DCC: variants seen among roughly 807,000 people sequenced by gnomAD.
The protein encoded by DCC is netrin receptor DCC.
Under a neutral mutation model 172.5 loss-of-function variants are expected in DCC, and 58 were observed. The observed-to-expected ratio is 0.34, with a 90% CI of 0.27 to 0.42. The LOEUF (loss-of-function observed/expected upper bound fraction) is 0.42. Among genes scored for constraint, DCC ranks in the 10% least tolerant of loss-of-function variants. The pLI is 1.00. For missense variants in DCC, 1,740 were observed against 1,791.0 expected, an observed-to-expected ratio of 0.97 and a Z score of 0.51; for synonymous variants, 709 against 644.5, an observed-to-expected ratio of 1.10 and a Z score of -1.52.
chr18:53,197,962 AG>A (rs1263660456), intron 9 of DCC, among the ~76,000 whole-genome samples: 1 of 152,200 alleles, frequency 6.6e-6, no homozygotes, highest in Non-Finnish European at 1.5e-5. Flanking sequence ...GAATTAAAGC[AG>A]ATGAATTCAA....
intron 1 of DCC, among the ~76,000 whole-genome samples, chr18:52,368,721 G>T (rs916112438): frequency 6.6e-6 from 1 of 152,096 alleles, no homozygotes; most frequent in Non-Finnish European, 1.5e-5. Flanking sequence ...CCTCTTCATT[G>T]TCTGGAAGGC....
rs2040375533 is a variant in DCC, at chr18:52,935,960, T to A, written c.985+10590T>A. 2.0e-5 allele frequency among the ~76,000 whole-genome samples: 3 copies of A among 152,120 alleles called. No individual in the cohort carries two copies. In the South Asian group the frequency reaches 6.2e-4, roughly 32 times the overall value. On this transcript the variant is annotated intron_variant, in intron 5 of 28. Coordinates refer to ENST00000442544, the MANE Select transcript of DCC (RefSeq NM_005215.4). ...GGACTCCTCAGTCATATACATTTAA[T>A]GATAATAGTCATAAAAGAAGTGCCT...
chr18:52,721,218 G>A (rs535513730), intron 1 of DCC, among the ~76,000 whole-genome samples: 44 of 152,270 alleles, frequency 2.9e-4, no homozygotes, highest in African/African-American at 1.0e-3. Flanking sequence ...GGCAATGTTC[G>A]AATCTGAAAT....
chr18:52,578,978 TG>T (rs2033482963), intron 1 of DCC, among the ~76,000 whole-genome samples: 1 of 152,164 alleles, frequency 6.6e-6, no homozygotes, highest in African/African-American at 2.4e-5. Context: ...AGACTCCGTC[TG>T]GAAAAACAAA....
At chr18:52,664,284 G>C (rs1388045376) in intron 1 of DCC, among the ~76,000 whole-genome samples, 1 of 152,084 alleles carries the variant, frequency 6.6e-6, no homozygotes, top group Non-Finnish European at 1.5e-5. Context: ...TTGTGGGCCT[G>C]AGAAGATTAA....
At chr18:53,134,648 G>T (rs920286263) in intron 7 of DCC, among the ~76,000 whole-genome samples, 1 of 152,106 alleles carries the variant, frequency 6.6e-6, no homozygotes, top group Non-Finnish European at 1.5e-5. Context: ...TTATCTCTTA[G>T]CTCAGAATTT....
intron 1 of DCC, among the ~76,000 whole-genome samples, chr18:52,584,853 T>C (rs146612772): frequency 1.3e-5 from 2 of 152,214 alleles, no homozygotes; most frequent in Middle Eastern, 3.4e-3. Context: ...ACCACTACTT[T>C]AGGCAGTAAT....
intron 10 of DCC, among the ~76,000 whole-genome samples, chr18:53,206,063 AATAC>A (rs1176691317): frequency 4.2e-5 from 1 of 23,924 alleles, no homozygotes; most frequent in Admixed American, 6.2e-4. Flanking sequence ...ATACCTATAT[AATAC>A]ATATATATTA....
intron 2 of DCC, among the ~76,000 whole-genome samples, chr18:52,794,271 T>C (rs1277878965): frequency 6.6e-6 from 1 of 152,136 alleles, no homozygotes; most frequent in African/African-American, 2.4e-5. Flanking sequence ...TATTTTAAAA[T>C]ATTGATTCCT....
chr18:53,492,486 G>A (rs60337880), intron 26 of DCC, among the ~76,000 whole-genome samples: 3,352 of 152,188 alleles, frequency 0.022, 65 homozygotes, highest in East Asian at 0.068. Flanking sequence ...TTTTGTATAA[G>A]GTGTAAAGAA....
chr18:52,640,558 T>C (rs751949699), intron 1 of DCC, among the ~76,000 whole-genome samples: 1 of 151,812 alleles, frequency 6.6e-6, no homozygotes, highest in Non-Finnish European at 1.5e-5. Context: ...CTCTTCTATA[T>C]ACCAACAGCA....
intron 1 of DCC, among the ~76,000 whole-genome samples, chr18:52,630,182 T>C (rs1222246513): frequency 6.6e-6 from 1 of 152,096 alleles, no homozygotes; most frequent in Non-Finnish European, 1.5e-5. Flanking sequence ...CCTATCCAAA[T>C]ATACCTTTAG....
At chr18:52,931,105 T>A (rs1358753923) in intron 5 of DCC, among the ~76,000 whole-genome samples, 1 of 152,056 alleles carries the variant, frequency 6.6e-6, no homozygotes, top group Non-Finnish European at 1.5e-5. Context: ...CTAGAAGGCA[T>A]AATTTACTTC....
chr18:53,514,158 C>T lies in DCC; in HGVS notation c.4112-12459C>T, dbSNP rs560202544. ...CAGGATTAAGAATCTCACTCAAAAC[C>T]GCTCAACTACATGGAAACTGAACAA... is the stretch of plus-strand genomic sequence containing the variant. On this transcript the variant is annotated intron_variant, in intron 27 of 28. Coordinates refer to ENST00000442544, the MANE Select transcript of DCC (RefSeq NM_005215.4). Among the ~76,000 whole-genome samples, 449 of 152,182 alleles carry T rather than the reference C, an allele frequency of 3.0e-3. 3 individuals carry two copies. Among genetic ancestry groups the T allele is most frequent in the Non-Finnish European group, 5.5e-3 (374 of 68,008 alleles).
At chr18:52,537,579 A>T (rs1286915395) in intron 1 of DCC, among the ~76,000 whole-genome samples, 2 of 152,180 alleles carry the variant, frequency 1.3e-5, no homozygotes, top group Non-Finnish European at 1.5e-5. Context: ...AGGCAGCTAC[A>T]GTCCACAGCA....
At chr18:52,963,035 A>G (rs1020166983) in intron 5 of DCC, among the ~76,000 whole-genome samples, 69 of 151,832 alleles carry the variant, frequency 4.5e-4, no homozygotes, top group African/African-American at 1.5e-3. Context: ...CAGCACACCA[A>G]CATGGCACAT....
At chr18:52,860,909 G>T (rs2039131759) in intron 2 of DCC, among the ~76,000 whole-genome samples, 1 of 151,642 alleles carries the variant, frequency 6.6e-6, no homozygotes, top group Admixed American at 6.6e-5. Flanking sequence ...AGGAGGCCGA[G>T]GCAGGAGATA....
intron 11 of DCC, among the ~76,000 whole-genome samples, chr18:53,211,802 C>A (rs1031804657): frequency 1.3e-5 from 2 of 152,182 alleles, no homozygotes; most frequent in Non-Finnish European, 2.9e-5. Flanking sequence ...AATCCCAGAA[C>A]TTTGGGAAGC....
chr18:52,592,401 A>G (rs1363812885), intron 1 of DCC, among the ~76,000 whole-genome samples: 2 of 152,208 alleles, frequency 1.3e-5, no homozygotes, highest in Non-Finnish European at 2.9e-5. Context: ...GGACAGAAAT[A>G]TGTATCACCC....
Sources: gnomAD v4.1 joint callset for allele counts (sites outside exome capture counted in the v4.1 genomes callset) on GRCh38, gnomAD v4.1.1 for gene constraint, MANE v1.5 for transcripts, NCBI Gene and HGNC (gene_info 2026-07-23, HGNC 2026-07-21) for gene names.